Variants in METTL15 observed in about 807,000 individuals in gnomAD.
METTL15 encodes the protein methyltransferase 15, mitochondrial 12S rRNA N4-cytidine.
In METTL15, 34 loss-of-function variants were observed where a neutral mutation model predicts 38.3. The ratio of observed to expected loss-of-function variants is 0.89; its 90% CI spans 0.68 to 1.18. The LOEUF is 1.18. METTL15 is among the 50% of genes most tolerant of loss of function. METTL15 has a pLI of 0.00. For synonymous variants in METTL15, 162 were observed against 170.9 expected (o/e 0.95, Z 0.41); for missense variants, 438 against 498.4 (o/e 0.88, Z 1.15).
chr11:28,371,922 T>A (rs1850247182), intron 5 of METTL15, among the ~76,000 whole-genome samples: 1 of 152,088 alleles, frequency 6.6e-6, no homozygotes, highest in African/African-American at 2.4e-5. Flanking sequence ...TATAAAACTA[T>A]GTTATTTTCA....
chr11:28,482,771 C>A (rs1407443877), intron 6 of METTL15, among the ~76,000 whole-genome samples: 2 of 152,296 alleles, frequency 1.3e-5, no homozygotes, highest in South Asian at 2.1e-4. Flanking sequence ...ACGGAGTCAG[C>A]ATCTCTCAGG....
chr11:28,470,610 G>A (rs1317176203), intron 6 of METTL15, among the ~76,000 whole-genome samples: 1 of 152,094 alleles, frequency 6.6e-6, no homozygotes, highest in Non-Finnish European at 1.5e-5. Context: ...AGCCTTCAAG[G>A]AAGAGAAGTG....
At chr11:28,351,415 C>A (rs932325286) in intron 3 of METTL15, among the ~76,000 whole-genome samples, 3 of 152,114 alleles carry the variant, frequency 2.0e-5, no homozygotes, top group African/African-American at 7.2e-5. Context: ...TGCACCGGGC[C>A]CAAAGCTATG....
chr11:28,152,953 G>A (rs1426772767), intron 3 of METTL15, among the ~76,000 whole-genome samples: 3 of 152,028 alleles, frequency 2.0e-5, no homozygotes, highest in African/African-American at 7.2e-5. Flanking sequence ...GACCATATAG[G>A]GTAACTTCAT....
chr11:28,206,416 G>A (rs1474411524), intron 3 of METTL15, among the ~76,000 whole-genome samples: 5 of 152,140 alleles, frequency 3.3e-5, no homozygotes, highest in African/African-American at 9.7e-5. Context: ...TCAGATGGTT[G>A]TAGATGTATG....
chr11:28,347,066 C>T (rs1051578898), intron 3 of METTL15, among the ~76,000 whole-genome samples: 6 of 152,222 alleles, frequency 3.9e-5, no homozygotes, highest in African/African-American at 1.4e-4. Flanking sequence ...ATACCAAATA[C>T]TTGCACTTAA....
intron 6 of METTL15, among the ~76,000 whole-genome samples, chr11:28,321,083 G>A (rs1395735053): frequency 6.6e-6 from 1 of 152,100 alleles, no homozygotes; most frequent in African/African-American, 2.4e-5. Flanking sequence ...AGTAGAATAA[G>A]CTTGGCAGAA....
intron 3 of METTL15, among the ~76,000 whole-genome samples, chr11:28,204,343 G>A (rs1852229334): frequency 6.7e-6 from 1 of 149,156 alleles, no homozygotes; most frequent in South Asian, 2.1e-4. Flanking sequence ...AGAATTTAGT[G>A]TTGGCGAGAC....
intron 3 of METTL15, among the ~76,000 whole-genome samples, chr11:28,199,411 A>G (rs930302429): frequency 2.0e-5 from 3 of 152,178 alleles, no homozygotes; most frequent in African/African-American, 7.2e-5. Context: ...CAAGTTTACT[A>G]TAAATAATTA....
intron 6 of METTL15, among the ~76,000 whole-genome samples, chr11:28,438,205 GCTCAAAGA>G: frequency 6.6e-6 from 1 of 152,246 alleles, no homozygotes; most frequent in East Asian, 1.9e-4. Flanking sequence ...TTTCATTCTT[GCTCAAAGA>G]CCTTTTCCCA....
At chr11:28,520,794 C>T (rs927578605) in intron 6 of METTL15, among the ~76,000 whole-genome samples, 1 of 152,178 alleles carries the variant, frequency 6.6e-6, no homozygotes, top group African/African-American at 2.4e-5. Flanking sequence ...GCTTTCAAAG[C>T]CCAGTTAAAG....
chr11:28,163,002 C>T (rs1376799619), intron 3 of METTL15, among the ~76,000 whole-genome samples: 2 of 149,826 alleles, frequency 1.3e-5, no homozygotes, highest in African/African-American at 4.9e-5. Flanking sequence ...TTAAGAAATT[C>T]TGTGTTATTC....
At chr11:28,380,314 C>G (rs1359171330) in intron 5 of METTL15, among the ~76,000 whole-genome samples, 1 of 151,794 alleles carries the variant, frequency 6.6e-6, no homozygotes, top group Non-Finnish European at 1.5e-5. Flanking sequence ...ACTACAGGCA[C>G]CTGCCATCAC....
chr11:28,139,062 G>C (rs572791742), intron 3 of METTL15, among the ~76,000 whole-genome samples: 2 of 152,276 alleles, frequency 1.3e-5, no homozygotes, highest in East Asian at 1.9e-4. Flanking sequence ...AAGTCCAGCT[G>C]TTAAGAACTT....
chr11:28,413,219 A>C (rs1015131390), intron 5 of METTL15, among the ~76,000 whole-genome samples: 3 of 152,018 alleles, frequency 2.0e-5, no homozygotes, highest in South Asian at 4.1e-4. Context: ...CTATTTCATC[A>C]AAACAGATAT....
intron 4 of METTL15, chr11:28,261,643 A>G (rs1264791455): frequency 6.6e-6 from 1 of 152,200 alleles, no homozygotes; most frequent in Non-Finnish European, 1.5e-5. Flanking sequence ...TATATTTTAT[A>G]CCACCCGTAA....
chr11:28,485,694 A>G (rs911167359), intron 6 of METTL15, among the ~76,000 whole-genome samples: 1 of 152,162 alleles, frequency 6.6e-6, no homozygotes, highest in Non-Finnish European at 1.5e-5. Context: ...ATTTCATTTA[A>G]TTCACCCCTT....
chr11:28,120,855 C>G (rs1416892151), intron 3 of METTL15, among the ~76,000 whole-genome samples: 2 of 152,076 alleles, frequency 1.3e-5, no homozygotes, highest in Middle Eastern at 3.2e-3. Flanking sequence ...GCTTCAGAAC[C>G]TTGTCCTTTT....
intron 3 of METTL15, among the ~76,000 whole-genome samples, chr11:28,162,295 A>G (rs1456037374): frequency 6.6e-6 from 1 of 152,164 alleles, no homozygotes; most frequent in Non-Finnish European, 1.5e-5. Flanking sequence ...TAGGTAAAAG[A>G]ATAAATTAGA....
Sources: allele counts gnomAD v4.1 joint callset (sites outside exome capture counted in the v4.1 genomes callset), GRCh38; gene constraint gnomAD v4.1.1; transcripts MANE v1.5; gene names NCBI Gene and HGNC (gene_info 2026-07-23, HGNC 2026-07-21).